The following TTC22 variants were observed in gnomAD, a reference collection of about 807,000 sequenced individuals.
The protein encoded by TTC22 is tetratricopeptide repeat domain 22.
In TTC22, 42 loss-of-function variants were observed where a neutral mutation model predicts 48.2. That is an observed-to-expected ratio of 0.87 (90% CI 0.68 to 1.13). The LOEUF (loss-of-function observed/expected upper bound fraction) is 1.13. Ranked by LOEUF, TTC22 falls within the 50% of genes most tolerant of loss-of-function variation. TTC22 has a pLI of 0.00. For synonymous variants in TTC22, 345 were observed against 365.5 expected, an observed-to-expected ratio of 0.94 and a Z score of 0.64; for missense variants, 784 against 807.0, an observed-to-expected ratio of 0.97 and a Z score of 0.34.
chr1:54,800,932 A>G lies in TTC22; in HGVS notation c.232T>C (p.Tyr78His), dbSNP rs1273173948. The change falls in exon 1 of 7, where the codon TAC becomes CAC. Residue 78 changes from tyrosine (Y) to histidine (H), a missense_variant. Transcript: ENST00000371276. ...VRHLLGAFAF[Y>H]LEELDEAREC... ...CGGGCCTCGTCCAGCTCCTCCAGGTAGAATGCGAAAGCGCCCAGGAGGTGA... is the reference window on the plus strand; with the variant it reads ...CGGGCCTCGTCCAGCTCCTCCAGGTGGAATGCGAAAGCGCCCAGGAGGTGA... The G allele has an allele frequency of 6.8e-6, 11 of 1,608,744 alleles. No individual in the cohort carries two copies. Among genetic ancestry groups the G allele is most frequent in the Non-Finnish European group, 9.3e-6 (11 of 1,179,108 alleles).
Position 54,800,696 on chromosome 1 carries a change from C to A in TTC22, c.468G>T (p.Ala156=). 3.2e-6 allele frequency: 5 copies of A among 1,544,676 alleles called. No homozygotes were observed. Among genetic ancestry groups the A allele is most frequent in the Non-Finnish European group, 4.3e-6 (5 of 1,153,660 alleles). ...AARCLAEQGY[A]HGFDVGCASP... is the part of the protein sequence containing the mutation. ...TGGCGCAGCCGACGTCGAAGCCATGCGCGTAGCCCTGCTCGGCCAGGCAGC... is the reference window on the plus strand; with the variant it reads ...TGGCGCAGCCGACGTCGAAGCCATGAGCGTAGCCCTGCTCGGCCAGGCAGC... Residue 156 remains alanine (A), a synonymous_variant, in exon 1 of 7, where the codon GCG becomes GCT. Transcript: ENST00000371276.
In TTC22 at chr1:54,801,192, C is replaced by T. The variant is rs143736998; in HGVS notation, c.-29G>A. ...TGCTCCCTCTGCTCCCCTGGCCTCA[C>T]CCTTGTCCCTGAGGCTGTGGAGGGC... is the stretch of plus-strand genomic sequence containing the variant. On this transcript the variant is annotated 5_prime_UTR_variant, in exon 1 of 7. In the 5' UTR this introduces an upstream ATG that the reference lacks. Transcript: ENST00000371276. The T allele has an allele frequency of 8.2e-5, 132 of 1,602,180 alleles. No homozygotes were observed. In the East Asian group the frequency reaches 2.3e-3, roughly 28 times the overall value.
At chr1:54,799,038 CATG>C (rs1320690371) in intron 1 of TTC22, among the ~76,000 whole-genome samples, 1 of 152,224 alleles carries the variant, frequency 6.6e-6, no homozygotes, top group African/African-American at 2.4e-5. Flanking sequence ...GCTTTAGAAG[CATG>C]ATGTCATCTA....
In TTC22 at chr1:54,800,794, C is replaced by T. The variant is rs1189299505; in HGVS notation, c.370G>A (p.Ala124Thr). ...AGGCCCATGAGGTCGGCCAGCCGTG[C>T]GGCGCACGCCTCCTCCTCTTCTTCC... is the stretch of plus-strand genomic sequence containing the variant. The part of the protein sequence containing the change: ...GQEEEEEACA[A>T]RLADLMGLAE... The change falls in exon 1 of 7, where the codon GCA becomes ACA. Residue 124 changes from alanine (A) to threonine (T), a missense_variant. Physicochemically the swap from Ala to Thr is moderately conservative, Grantham distance 58. Coordinates refer to ENST00000371276, the MANE Select transcript of TTC22 (RefSeq NM_001114108.2). 3 of 1,570,926 alleles carry T rather than the reference C, an allele frequency of 1.9e-6. No individual in the cohort carries two copies. Among genetic ancestry groups the T allele is most frequent in the Non-Finnish European group, 1.7e-6 (2 of 1,160,508 alleles).
chr1:54,785,148 G>C (rs759486558), intron 5 of TTC22: 5 of 200,044 alleles, frequency 2.5e-5, no homozygotes, highest in Non-Finnish European at 5.2e-5. Context: ...GTAGCACGTG[G>C]TGTTGTGGGA....
At position 54,780,063 on chromosome 1, in the gene TTC22, G is replaced by A. The variant is rs1235357625; in HGVS notation, c.*1180C>T. 1.3e-5 allele frequency: 2 copies of A among 152,250 alleles called. No individual in the cohort carries two copies. Among genetic ancestry groups the A allele is most frequent in the Non-Finnish European group, 2.9e-5 (2 of 68,106 alleles). The allele number at this position is 152,250 out of a possible 1,614,324, so 9.4% of individuals were successfully genotyped here. ...GAACTTGGGAGGCTGAGGTTTCAGT[G>A]AGCTGAGATCTGGCCACTGCACTCC... On this transcript the variant is annotated 3_prime_UTR_variant, in exon 7 of 7. Transcript: ENST00000371276.
chr1:54,799,289 TG>T (rs1245546022), intron 1 of TTC22, among the ~76,000 whole-genome samples: 1 of 152,208 alleles, frequency 6.6e-6, no homozygotes, highest in Non-Finnish European at 1.5e-5. Context: ...ATCCCCACTG[TG>T]GCCGTGTTCC....
chr1:54,801,171 C>G lies in TTC22; in HGVS notation c.-8G>C, dbSNP rs756942306. 3 of 1,609,756 alleles carry G rather than the reference C, an allele frequency of 1.9e-6. No individual in the cohort carries two copies. The highest frequency in any genetic ancestry group is 2.2e-5 in the South Asian group (2 of 90,996). On this transcript the variant is annotated 5_prime_UTR_variant, in exon 1 of 7. Coordinates refer to ENST00000371276, the MANE Select transcript of TTC22 (RefSeq NM_001114108.2). ...AGCCTCCAGCTCCGCCATGACTGCT[C>G]CCTCTGCTCCCCTGGCCTCACCCTT...
At chr1:54,782,614 A>G in intron 5 of TTC22, 137 bp from the exon 6 acceptor site, 1 of 910,910 alleles carries the variant, frequency 1.1e-6, no homozygotes, top group Non-Finnish European at 1.6e-6. Flanking sequence ...CCCTGAGGCC[A>G]GGACCCAGGA....
At chr1:54,792,133 G>A (rs754171931) in intron 1 of TTC22, among the ~76,000 whole-genome samples, 1 of 152,202 alleles carries the variant, frequency 6.6e-6, no homozygotes, top group Non-Finnish European at 1.5e-5. Flanking sequence ...ACTCCTAAGC[G>A]TCAACTCTCC....
Position 54,787,031 on chromosome 1 carries a change from T to A in TTC22, c.784A>T (p.Thr262Ser). 1 of 1,551,988 alleles carries A rather than the reference T, an allele frequency of 6.4e-7. No individual in the cohort carries two copies. Among genetic ancestry groups the A allele is most frequent in the Non-Finnish European group, 8.7e-7 (1 of 1,148,674 alleles). Residue 262 changes from threonine to serine, a missense_variant, in exon 4 of 7, where the codon ACC becomes TCC. By Grantham distance (58) the Thr-to-Ser change is moderately conservative (BLOSUM62 1). Transcript: ENST00000371276. ...ACGCCCATGGGGGTGGTGGAGAAGGTGTCCTTCCGCTCCAGCAGCATCCCG... is the reference window on the plus strand; with the variant it reads ...ACGCCCATGGGGGTGGTGGAGAAGGAGTCCTTCCGCTCCAGCAGCATCCCG... ...YLGMLLERKD[T>S]FSTTPMGVHD...
intron 1 of TTC22, among the ~76,000 whole-genome samples, chr1:54,799,756 G>A (rs554608676): frequency 1.4e-3 from 219 of 152,304 alleles, no homozygotes; most frequent in African/African-American, 5.2e-3. Flanking sequence ...TCCCAGCCGG[G>A]GAGAGGGAGG....
chr1:54,782,563 T>A lies in TTC22; in HGVS notation c.1021-86A>T, dbSNP rs917221078. ...TGCTCTAAATGAACCCAGTCTTTTT[T>A]TCAACAGCAACCAGGGAGGTTATGT... On this transcript the variant is annotated intron_variant, in intron 5 of 6. Coordinates refer to ENST00000371276, the MANE Select transcript of TTC22 (RefSeq NM_001114108.2). 2.2e-6 allele frequency: 3 copies of A among 1,348,048 alleles called. No homozygotes were observed. The African/African-American group carries it at 4.4e-5, about 20-fold the overall frequency. The allele number at this position is 1,348,048 out of a possible 1,614,324, so 83.5% of individuals were successfully genotyped here.
At chr1:54,790,786 G>A (rs1646344274) in intron 1 of TTC22, among the ~76,000 whole-genome samples, 1 of 147,434 alleles carries the variant, frequency 6.8e-6, no homozygotes, top group Admixed American at 6.7e-5. Flanking sequence ...TGCTGCTGCT[G>A]CTGCTTCTTT....
intron 5 of TTC22, 41 bp from the exon 6 acceptor site, chr1:54,782,518 A>T: frequency 2.6e-6 from 4 of 1,511,442 alleles, no homozygotes; most frequent in Non-Finnish European, 3.6e-6. Flanking sequence ...GATCCAGGCA[A>T]GGGCCTCTGC....
At chr1:54,787,643 G>A (rs1646314692) in intron 3 of TTC22, 68 bp downstream of exon 3, 3 of 1,146,166 alleles carry the variant, frequency 2.6e-6, no homozygotes, top group Non-Finnish European at 2.6e-6. Flanking sequence ...GCCAGAGGTG[G>A]ATGCAATGCC....
chr1:54,796,251 T>C (rs1018576919), intron 1 of TTC22, among the ~76,000 whole-genome samples: 2 of 152,242 alleles, frequency 1.3e-5, no homozygotes, highest in African/African-American at 4.8e-5. Context: ...TGCTGACCTA[T>C]GACACTCTCT....
chr1:54,798,978 T>C (rs548530911), intron 1 of TTC22, among the ~76,000 whole-genome samples: 1 of 152,362 alleles, frequency 6.6e-6, no homozygotes, highest in East Asian at 1.9e-4. Context: ...GCAACCATCA[T>C]TATTGTCATC....
At position 54,782,332 on chromosome 1, in the gene TTC22, A is replaced by T; in HGVS notation, c.1166T>A (p.Ile389Asn). Residue 389 changes from isoleucine to asparagine, a missense_variant, in exon 6 of 7, where the codon ATC (isoleucine) becomes AAC (asparagine). By Grantham distance (149) the Ile-to-Asn change is moderately radical. Coordinates refer to ENST00000371276, the MANE Select transcript of TTC22 (RefSeq NM_001114108.2). The stretch of plus-strand genomic sequence containing the variant: ...GCCAAGAGACTGCCTTACCTGGCCG[A>T]TGTCCAGGTACGCCTTGAAGCCTGG... ...VCPGFKAYLDIGQVYYYMGVD... is the reference protein window; with the variant it reads ...VCPGFKAYLDNGQVYYYMGVD... 1 of 1,539,398 alleles carries T rather than the reference A, an allele frequency of 6.5e-7. No homozygotes were observed. The highest frequency in any genetic ancestry group is 8.8e-7 in the Non-Finnish European group (1 of 1,140,390).
Sources: allele counts gnomAD v4.1 joint callset (sites outside exome capture counted in the v4.1 genomes callset), GRCh38; gene constraint gnomAD v4.1.1; transcripts MANE v1.5; gene names NCBI Gene and HGNC (gene_info 2026-07-23, HGNC 2026-07-21).